PLEC: variants seen among roughly 807,000 people sequenced by gnomAD.
The protein encoded by PLEC is hemidesmosomal protein 1.
A neutral mutation model predicts 392.8 loss-of-function variants in PLEC; 216 were observed. The ratio of observed to expected loss-of-function variants is 0.55; its 90% confidence interval spans 0.49 to 0.62. The LOEUF is 0.62. Ranked by LOEUF, PLEC falls within the 20% of genes least tolerant of loss-of-function variation. PLEC has a pLI of 0.00. For synonymous variants in PLEC, 3,621 were observed against 2,980.6 expected, an observed-to-expected ratio of 1.21 and a Z score of -7.00; for missense variants, 6,863 against 6,563.4, an observed-to-expected ratio of 1.05 and a Z score of -1.58.
In PLEC at chr8:143,969,741, G is replaced by C. The variant is rs1417022697; in HGVS notation, c.70+3662C>G. Among the ~76,000 whole-genome samples, 2 of 152,108 alleles carry C rather than the reference G, an allele frequency of 1.3e-5. No individual in the cohort carries two copies. Among genetic ancestry groups the C allele is most frequent in the Non-Finnish European group, 2.9e-5 (2 of 68,022 alleles). On this transcript the variant is annotated intron_variant, in intron 1 of 31. Transcript: ENST00000356346. This position sits in a 1 kb window ranked among gnomAD's most constrained non-coding sequence, Gnocchi z 5.1. ...GAGTGGGGAGTGGGGCCAGCCGGGGGCCTGGGCAGCTGGGGATAGAGACTT... is the reference window on the plus strand; with the variant it reads ...GAGTGGGGAGTGGGGCCAGCCGGGGCCCTGGGCAGCTGGGGATAGAGACTT...
rs781881685 is a variant in PLEC, at chr8:143,925,040, T to G, written c.4889A>C (p.Glu1630Ala). 2 of 1,558,138 alleles carry G rather than the reference T, an allele frequency of 1.3e-6. No homozygotes were observed. The highest frequency in any genetic ancestry group is 1.4e-5 in the African/African-American group (1 of 73,704). The part of the protein sequence containing the change: ...AERAREEAER[E>A]LERWQLKANE... ...GGCCTTGAGCTGCCAGCGCTCCAGCTCCCGCTCTGCCTCCTCGCGCGCCCG... is the reference window on the plus strand; with the variant it reads ...GGCCTTGAGCTGCCAGCGCTCCAGCGCCCGCTCTGCCTCCTCGCGCGCCCG... Residue 1630 changes from glutamate to alanine, a missense_variant, in exon 31 of 32, where the codon GAG (glutamate) becomes GCG (alanine). By Grantham distance (107) the Glu-to-Ala change is moderately radical. Transcript: ENST00000345136.
intron 1 of PLEC, among the ~76,000 whole-genome samples, chr8:143,971,604 C>G (rs2132971924): frequency 6.6e-6 from 1 of 152,318 alleles, no homozygotes; most frequent in South Asian, 2.1e-4. Flanking sequence ...GGCTCCCAGA[C>G]ACAGGTACCA....
At chr8:143,941,982 G>A (rs1830543658), upstream of PLEC, among the ~76,000 whole-genome samples, 1 of 152,170 alleles carries the variant, frequency 6.6e-6, no homozygotes, top group South Asian at 2.1e-4. Flanking sequence ...AGCTAGTGGA[G>A]ACGGTCCTAG....
Position 143,925,434 on chromosome 8 carries a change from A to G in PLEC, c.4495T>C (p.Leu1499=), listed in dbSNP as rs1554702540. Residue 1499 remains leucine, a synonymous_variant, in exon 31 of 32, where the codon TTG becomes CTG. Transcript: ENST00000345136. The stretch of plus-strand genomic sequence containing the variant: ...CTCTCGTCCTGCACCTGCCTCCGCA[A>G]GCGCTCGGCCTCCTCCTGCGCCTGT... The part of the protein sequence containing the change: ...KRQAQEEAER[L]RRQVQDESQR... 4 of 1,594,316 alleles carry G rather than the reference A, an allele frequency of 2.5e-6. No individual in the cohort carries two copies. The highest frequency in any genetic ancestry group is 2.7e-5 in the African/African-American group (2 of 74,602).
At position 143,929,216 on chromosome 8, in the gene PLEC, C is replaced by G. The variant is rs1554710457; in HGVS notation, c.3147G>C (p.Lys1049Asn). The G allele has an allele frequency of 4.4e-6, 7 of 1,602,814 alleles. No individual in the cohort carries two copies. The highest frequency in any genetic ancestry group is 5.9e-6 in the Non-Finnish European group (7 of 1,178,442). ...GVARLSAEAEKVLALPEPSPA... is the reference protein window; with the variant it reads ...GVARLSAEAENVLALPEPSPA... ...GCGATGGCTCTGGTAGGGCCAAGAC[C>G]TTCTCGGCCTCGGCAGAGAGCCGGG... Residue 1049 changes from lysine (K) to asparagine (N), a missense_variant, in exon 25 of 32, where the codon AAG (lysine) becomes AAC (asparagine). Physicochemically the swap from Lys to Asn is moderately conservative, Grantham distance 94. Coordinates refer to ENST00000345136, the MANE Select transcript of PLEC (RefSeq NM_201384.3).
At chr8:143,943,257 G>A (rs933449542), upstream of PLEC, among the ~76,000 whole-genome samples, 1 of 152,368 alleles carries the variant, frequency 6.6e-6, no homozygotes. Flanking sequence ...CCAGGGCCCC[G>A]CCCCATCCTG....
rs534045685 is a variant in PLEC at position 143,929,517 on chromosome 8, C to T, written c.2978G>A (p.Arg993Gln). ...QRCISELKDI[R>Q]LQLEACETRT... ...CGTCTCACAGGCCTCCAGCTGCAGC[C>T]GGATGTCTTTGAGCTCGGAGATGCA... Residue 993 changes from arginine (R) to glutamine (Q), a missense_variant, in exon 24 of 32, where the codon CGG becomes CAG. Transcript: ENST00000345136. The T allele has an allele frequency of 4.5e-4, 726 of 1,612,486 alleles. 5 individuals are homozygous for T. In the South Asian group the frequency reaches 7.0e-3, roughly 15 times the overall value.
intron 3 of PLEC, chr8:143,937,635 C>T (rs532597311): frequency 2.0e-5 from 10 of 497,564 alleles, no homozygotes; most frequent in African/African-American, 1.7e-4. Flanking sequence ...CAACCACCTA[C>T]CCGCCCAAGA....
At position 143,935,995 on chromosome 8, in the gene PLEC, C is replaced by T. The variant is rs781958933; in HGVS notation, c.455G>A (p.Ser152Asn). Reference protein sequence around the residue: ...LHFQISDIQVSGQSEDMTAKE... With the variant: ...LHFQISDIQVNGQSEDMTAKE... ...GGCCGTCATGTCCTCCGACTGCCCA[C>T]TCACCTGGATATCTGAGATCTGCTC... The change falls in exon 6 of 32, where the codon AGT (serine) becomes AAT (asparagine). Residue 152 changes from serine to asparagine, a missense_variant. Transcript: ENST00000345136. 15 of 1,612,344 alleles carry T rather than the reference C, an allele frequency of 9.3e-6. No individual in the cohort carries two copies. The highest frequency in any genetic ancestry group is 9.3e-6 in the Non-Finnish European group (11 of 1,179,964).
chr8:143,937,413 G>A (rs972745247), intron 3 of PLEC, among the ~76,000 whole-genome samples, 171 bp from the exon 4 acceptor site: 2 of 152,210 alleles, frequency 1.3e-5, no homozygotes, highest in South Asian at 2.1e-4. Context: ...CCGGCCCAGG[G>A]GCCAGGCCAG....
chr8:143,950,706 T>C, exon 1 of PLEC: 1 of 1,560,676 alleles, frequency 6.4e-7, no homozygotes, highest in South Asian at 1.2e-5. Context: ...CCGGCCACCA[T>C]GGCTGCTGGA....
At chr8:143,966,740 C>T (rs1833116802) in intron 1 of PLEC, among the ~76,000 whole-genome samples, 1 of 151,868 alleles carries the variant, frequency 6.6e-6, no homozygotes, top group African/African-American at 2.4e-5. Context: ...CTCGGGGGCA[C>T]AGAAGTGAAG....
chr8:143,965,407 C>T (rs1329887850), intron 1 of PLEC, among the ~76,000 whole-genome samples: 1 of 152,242 alleles, frequency 6.6e-6, no homozygotes, highest in Non-Finnish European at 1.5e-5. Flanking sequence ...ACCGTCTGAA[C>T]GCGTGTTCCC....
At position 143,927,889 on chromosome 8, in the gene PLEC, G is replaced by A. The variant is rs1381326347; in HGVS notation, c.3364C>T (p.Leu1122Phe). Residue 1122 changes from leucine to phenylalanine, a missense_variant, in exon 26 of 32, where the codon CTC (leucine) becomes TTC (phenylalanine). Transcript: ENST00000345136. ...GCCTTGGTGGCCTCGAGCTCCGGGA[G>A]GGTGGCCGGCACGGCCTGGGCCTCC... ...LKEAQAVPAT[L>F]PELEATKASL... 3.1e-6 allele frequency: 5 copies of A among 1,593,530 alleles called. No homozygotes were observed. Among genetic ancestry groups the A allele is most frequent in the Non-Finnish European group, 4.3e-6 (5 of 1,170,828 alleles).
rs1554675461 is a variant in PLEC, at chr8:143,918,500, G to A, written c.11321C>T (p.Pro3774Leu). 2 of 1,604,268 alleles carry A rather than the reference G, an allele frequency of 1.2e-6. No homozygotes were observed. The highest frequency in any genetic ancestry group is 1.1e-5 in the South Asian group (1 of 90,356). ...AERAVTGYRD[P>L]YTEQTISLFQ... ...GAGCGAGATGGTCTGCTCGGTGTAG[G>A]GGTCACGGTAGCCGGTGACCGCCCG... Residue 3774 changes from proline (P) to leucine (L), a missense_variant, in exon 32 of 32, where the codon CCC (proline) becomes CTC (leucine). Transcript: ENST00000345136.
In PLEC at chr8:143,921,774, C is replaced by T. The variant is rs533910619; in HGVS notation, c.8047G>A (p.Ala2683Thr). The T allele has an allele frequency of 9.3e-6, 15 of 1,611,622 alleles. No individual in the cohort carries two copies. Among genetic ancestry groups the T allele is most frequent in the Middle Eastern group, 1.6e-4 (1 of 6,062 alleles). The change falls in exon 32 of 32, where the codon GCA becomes ACA. Residue 2683 changes from alanine to threonine, a missense_variant. Physicochemically the swap from Ala to Thr is moderately conservative, Grantham distance 58. Coordinates refer to ENST00000345136, the MANE Select transcript of PLEC (RefSeq NM_201384.3). ...TAGTGGCGCACGTCTTCCCGCCGTG[C>T]GAGCTCGTCCACCGTGGTGTGGCCC... ...AQGHTTVDEL[A>T]RREDVRHYLQ... is the part of the protein sequence containing the mutation.
Position 143,947,569 on chromosome 8 carries a change from AC to A in PLEC, c.523+2614del, listed in dbSNP as rs1482550131. 1.4e-4 allele frequency among the ~76,000 whole-genome samples: 21 copies of A among 149,828 alleles called. No homozygotes were observed. The Admixed American group carries it at 1.4e-3, about 10-fold the overall frequency. ...AGACCAGCCTGGCCAACATGGCGAAACCCCGTCTCTACTAAAAAAAAAAAAC... is the reference window on the plus strand; with the variant it reads ...AGACCAGCCTGGCCAACATGGCGAAACCCGTCTCTACTAAAAAAAAAAAAC... On this transcript the variant is annotated intron_variant, in intron 1 of 31. Transcript: ENST00000322810.
At position 143,938,581 on chromosome 8, in the gene PLEC, G is replaced by T. The variant is rs7844225; in HGVS notation, c.174+50C>A. On this transcript the variant is annotated intron_variant, in intron 2 of 31. Transcript: ENST00000345136. Reference sequence around the variant, plus strand: ...GCGGCAGGGGCCACCCTCCCTCAGCGCCTCCCACAGCCTCAGCCCCTGTGA... The same window carrying T: ...GCGGCAGGGGCCACCCTCCCTCAGCTCCTCCCACAGCCTCAGCCCCTGTGA... 3.8e-6 allele frequency: 6 copies of T among 1,591,556 alleles called. No homozygotes were observed. The Admixed American group carries it at 8.3e-5, about 22-fold the overall frequency.
upstream of PLEC, chr8:143,958,465 T>C (rs917677910): frequency 5.1e-5 from 16 of 312,360 alleles, no homozygotes; most frequent in Admixed American, 3.1e-4. The surrounding 1 kb of genome is among the most constrained non-coding windows in gnomAD (Gnocchi z 4.9). Flanking sequence ...CACATGACCA[T>C]CCATTAGGGG....
Sources: gnomAD v4.1 joint callset for allele counts (sites outside exome capture counted in the v4.1 genomes callset) on GRCh38, gnomAD v4.1.1 for gene constraint, Gnocchi (gnomAD v3.1) non-coding constraint, MANE v1.5 for transcripts, NCBI Gene and HGNC (gene_info 2026-07-23, HGNC 2026-07-21) for gene names.